Variants in THOP1 observed in about 807,000 individuals in gnomAD.
THOP1 encodes thimet oligopeptidase.
THOP1 carries 49 observed loss-of-function variants against 71.8 expected under a neutral mutation model. The observed-to-expected ratio is 0.68, with a 90% CI of 0.54 to 0.87. The LOEUF (loss-of-function observed/expected upper bound fraction) is 0.87. THOP1 is among the 40% of genes least tolerant of loss of function. The probability of loss-of-function intolerance (pLI) is 0.00; values close to 1 mark genes in which losing one functional copy is unlikely to be tolerated. For missense variants in THOP1, 843 were observed against 975.6 expected (o/e 0.86, Z 1.81); for synonymous variants, 426 against 421.5 (o/e 1.01, Z -0.13).
At chr19:2,793,169 C>CT (rs1185291434) in intron 2 of THOP1, among the ~76,000 whole-genome samples, 1 of 151,934 alleles carries the variant, frequency 6.6e-6, no homozygotes, top group Non-Finnish European at 1.5e-5. Context: ...CAGCGAAACT[C>CT]TGTCTCAAAC....
rs137971493 is a variant in THOP1, at chr19:2,812,327, C to T, written c.1908+593C>T. ...ACAGGTGGCTACCAGCTTTGAGGGCCGGCCCTGCCCTGCCTGGGTGCAACA... is the reference window on the plus strand; with the variant it reads ...ACAGGTGGCTACCAGCTTTGAGGGCTGGCCCTGCCCTGCCTGGGTGCAACA... On this transcript the variant is annotated intron_variant, in intron 12 of 12. Transcript: ENST00000307741. 787 of 1,534,740 alleles carry T rather than the reference C, an allele frequency of 5.1e-4. No homozygotes were observed. The African/African-American group carries it at 9.8e-3, about 19-fold the overall frequency.
rs1374515038 is a variant in THOP1, at chr19:2,801,968, ACCATCTCCAACACCG to A, written c.589+2186_589+2200del. Among the ~76,000 whole-genome samples the A allele has an allele frequency of 6.6e-6, 1 of 151,338 alleles. No homozygotes were observed. Among genetic ancestry groups the A allele is most frequent in the East Asian group, 1.9e-4 (1 of 5,170 alleles). On this transcript the variant is annotated intron_variant, in intron 5 of 12. Transcript: ENST00000307741. The surrounding 1 kb of genome is among the most constrained non-coding windows in gnomAD (Gnocchi z 5.1). ...CCTAATCCTGCCATCTCCCAATACC[ACCATCTCCAACACCG>A]CCATCTCCCGATACCCACATCTCCC...
intron 9 of THOP1, chr19:2,810,073 C>T (rs545046287): frequency 5.6e-5 from 32 of 572,190 alleles, no homozygotes; most frequent in South Asian, 1.8e-4. Flanking sequence ...CCTCCAGGGA[C>T]GGGGTCATGT....
At position 2,804,887 on chromosome 19, in the gene THOP1, G is replaced by A; in HGVS notation, c.590-129G>A. ...AATTGCAGCGGGTGGTGGCCAGGCT[G>A]CAGCTGCTCGCTGAGGGCCCCCTTG... On this transcript the variant is annotated intron_variant, in intron 5 of 12. Coordinates refer to ENST00000307741, the MANE Select transcript of THOP1 (RefSeq NM_003249.5). The surrounding 1 kb of genome is among the most constrained non-coding windows in gnomAD (Gnocchi z 4.7). 1 of 886,380 alleles carries A rather than the reference G, an allele frequency of 1.1e-6. No homozygotes were observed. The highest frequency in any genetic ancestry group is 1.7e-6 in the Non-Finnish European group (1 of 602,038). 54.9% of individuals were successfully genotyped at this position (886,380 alleles called of 1,614,324 possible). A position where few individuals can be genotyped will look rare whatever the true frequency, so the allele number is the denominator to read the frequency against.
rs150927880 is a variant in THOP1, at chr19:2,790,478, G to A, written c.74G>A (p.Arg25Gln). The A allele has an allele frequency of 3.5e-5, 56 of 1,604,096 alleles. No homozygotes were observed. The African/African-American group carries it at 4.4e-4, about 13-fold the overall frequency. Residue 25 changes from arginine to glutamine, a missense_variant, in exon 2 of 13, where the codon CGG becomes CAG. Coordinates refer to ENST00000307741, the MANE Select transcript of THOP1 (RefSeq NM_003249.5). Reference protein sequence around the residue: ...ASPCSVVNDLRWDLSAQQIEE... With the variant: ...ASPCSVVNDLQWDLSAQQIEE... ...CCGTGCTCTGTGGTAAACGACCTGC[G>A]GTGGGACCTGAGTGCCCAGCAGATA... is the stretch of plus-strand genomic sequence containing the variant.
chr19:2,790,484 A>C lies in THOP1; in HGVS notation c.80A>C (p.Asp27Ala), dbSNP rs1295031740. Residue 27 changes from aspartate (D) to alanine (A), a missense_variant, in exon 2 of 13, where the codon GAC becomes GCC. Coordinates refer to ENST00000307741, the MANE Select transcript of THOP1 (RefSeq NM_003249.5). Reference protein sequence around the residue: ...PCSVVNDLRWDLSAQQIEERT... With the variant: ...PCSVVNDLRWALSAQQIEERT... ...TCTGTGGTAAACGACCTGCGGTGGG[A>C]CCTGAGTGCCCAGCAGATAGAGGAG... 4.4e-6 allele frequency: 7 copies of C among 1,605,120 alleles called. No homozygotes were observed. The highest frequency in any genetic ancestry group is 6.0e-6 in the Non-Finnish European group (7 of 1,175,512).
rs1214892224 is a variant in THOP1, at chr19:2,804,331, G to A, written c.590-685G>A. ...GTGTCCTGCCAGGGGTTTTGTGGGT[G>A]GAGAAGGGACAGCAGGGCTCCAGTG... On this transcript the variant is annotated intron_variant, in intron 5 of 12. Transcript: ENST00000307741. The surrounding 1 kb of genome is among the most constrained non-coding windows in gnomAD (Gnocchi z 4.7). 6.6e-6 allele frequency among the ~76,000 whole-genome samples: 1 copy of A among 152,210 alleles called. No homozygotes were observed. Among genetic ancestry groups the A allele is most frequent in the Non-Finnish European group, 1.5e-5 (1 of 68,042 alleles).
At chr19:2,798,511 G>T (rs556247190) in intron 4 of THOP1, among the ~76,000 whole-genome samples, 4 of 152,204 alleles carry the variant, frequency 2.6e-5, no homozygotes, top group African/African-American at 9.7e-5. Context: ...GTTCCAGCGC[G>T]TCCCCGCGGC....
intron 4 of THOP1, 100 bp from the exon 5 acceptor site, chr19:2,799,589 A>C: frequency 1.1e-6 from 1 of 936,522 alleles, no homozygotes; most frequent in South Asian, 1.5e-5. Context: ...GTTCTTGGGG[A>C]AATCCCTCAG....
chr19:2,788,418 G>A (rs554735135), intron 1 of THOP1, among the ~76,000 whole-genome samples: 4 of 152,270 alleles, frequency 2.6e-5, no homozygotes, highest in East Asian at 1.9e-4. Context: ...GCTCCACCTT[G>A]CACTCAGGAT....
intron 1 of THOP1, among the ~76,000 whole-genome samples, chr19:2,789,152 G>A (rs1262194034): frequency 1.3e-5 from 2 of 152,214 alleles, no homozygotes; most frequent in African/African-American, 4.8e-5. Flanking sequence ...AAAATCCTTG[G>A]CCCTTTGCAG....
intron 5 of THOP1, among the ~76,000 whole-genome samples, chr19:2,802,646 A>G (rs1217229363): frequency 6.6e-6 from 1 of 152,018 alleles, no homozygotes; most frequent in Non-Finnish European, 1.5e-5. Context: ...TTCCTGGTGC[A>G]TTTTGGAGGG....
rs115716440 is a variant in THOP1, at chr19:2,801,158, C to A, written c.589+1367C>A. Reference sequence around the variant, plus strand: ...GAGGTCTGGAAGGTCCTTGGGCACGCACAGTTATCTGTCCGTGCCAGCTCG... The same window carrying A: ...GAGGTCTGGAAGGTCCTTGGGCACGAACAGTTATCTGTCCGTGCCAGCTCG... On this transcript the variant is annotated intron_variant, in intron 5 of 12. Coordinates refer to ENST00000307741, the MANE Select transcript of THOP1 (RefSeq NM_003249.5). The surrounding 1 kb of genome is among the most constrained non-coding windows in gnomAD (Gnocchi z 5.1). Among the ~76,000 whole-genome samples the A allele has an allele frequency of 1.4e-3, 206 of 152,208 alleles. 1 individual carries two copies. The highest frequency in any genetic ancestry group is 4.8e-3 in the African/African-American group (201 of 41,530).
Position 2,799,701 on chromosome 19 carries a change from A to T in THOP1, c.499A>T (p.Ile167Phe), listed in dbSNP as rs764604899. 29 of 1,612,998 alleles carry T rather than the reference A, an allele frequency of 1.8e-5. No individual in the cohort carries two copies. Among genetic ancestry groups the T allele is most frequent in the Non-Finnish European group, 2.5e-5 (29 of 1,179,612 alleles). The change falls in exon 5 of 13, where the codon ATC becomes TTC. Residue 167 changes from isoleucine (I) to phenylalanine (F), a missense_variant. Coordinates refer to ENST00000307741, the MANE Select transcript of THOP1 (RefSeq NM_003249.5). Reference protein sequence around the residue: ...PRETQENIKRIKKKLSLLCID... With the variant: ...PRETQENIKRFKKKLSLLCID... ...CCTTTCTCTCCAGAACATCAAACGC[A>T]TCAAGAAGAAGCTGAGCCTTCTGTG... is the stretch of plus-strand genomic sequence containing the variant.
intron 8 of THOP1, 58 bp from the exon 9 acceptor site, chr19:2,808,185 C>T: frequency 6.6e-7 from 1 of 1,520,822 alleles, no homozygotes; most frequent in South Asian, 1.2e-5. Flanking sequence ...GATGCGGAGT[C>T]AGGGACTCTT....
At position 2,810,713 on chromosome 19, in the gene THOP1, C is replaced by T. The variant is rs769691831; in HGVS notation, c.1716C>T (p.Pro572=). 88 of 1,589,378 alleles carry T rather than the reference C, an allele frequency of 5.5e-5. No homozygotes were observed. The highest frequency in any genetic ancestry group is 1.7e-4 in the Middle Eastern group (1 of 6,016). ...TGCACACGCAGACGGACGCAGACCC[C>T]GCCGAGGAGTATGCGCGGCTCTGCC... ...QALHTQTDAD[P]AEEYARLCQE... Residue 572 remains proline, a synonymous_variant, in exon 11 of 13, where the codon CCC becomes CCT. Coordinates refer to ENST00000307741, the MANE Select transcript of THOP1 (RefSeq NM_003249.5).
At position 2,811,646 on chromosome 19, in the gene THOP1, C is replaced by T. The variant is rs541243719; in HGVS notation, c.1820C>T (p.Ala607Val). The change falls in exon 12 of 13, where the codon GCC becomes GTC. Residue 607 changes from alanine to valine, a missense_variant. Physicochemically the swap from Ala to Val is moderately conservative, Grantham distance 64 (BLOSUM62 0). Coordinates refer to ENST00000307741, the MANE Select transcript of THOP1 (RefSeq NM_003249.5). ...TFGHLAGGYD[A>V]QYYGYLWSEV... Reference sequence around the variant, plus strand: ...GGCCATCTGGCAGGTGGCTACGACGCCCAGTACTACGGGTACCTGTGGAGC... The same window carrying T: ...GGCCATCTGGCAGGTGGCTACGACGTCCAGTACTACGGGTACCTGTGGAGC... The T allele has an allele frequency of 1.9e-6, 3 of 1,613,420 alleles. No homozygotes were observed. Among genetic ancestry groups the T allele is most frequent in the Non-Finnish European group, 2.5e-6 (3 of 1,179,950 alleles).
chr19:2,785,684 G>A lies in THOP1; in HGVS notation c.16+6G>A, dbSNP rs764331401. ...CGCCATGAAGCCCCCCGCAGGTACC[G>A]ACTACCCCGCTCGCCGGACCCGGGC... On this transcript the variant is annotated splice_donor_region_variant and intron_variant, in intron 1 of 12. Coordinates refer to ENST00000307741, the MANE Select transcript of THOP1 (RefSeq NM_003249.5). The A allele has an allele frequency of 4.1e-6, 6 of 1,467,134 alleles. No individual in the cohort carries two copies. The highest frequency in any genetic ancestry group is 5.4e-6 in the Non-Finnish European group (6 of 1,105,366). The allele number at this position is 1,467,134 out of a possible 1,614,324, so 90.9% of individuals were successfully genotyped here.
At chr19:2,796,265 GTC>G in intron 4 of THOP1, 77 bp downstream of exon 4, 1 of 1,193,870 alleles carries the variant, frequency 8.4e-7, no homozygotes, top group Non-Finnish European at 1.2e-6. Context: ...GGAGTGCTCA[GTC>G]CCAGGGAGTG....
Sources: gnomAD v4.1 joint callset for allele counts (sites outside exome capture counted in the v4.1 genomes callset) on GRCh38, gnomAD v4.1.1 for gene constraint, Gnocchi (gnomAD v3.1) non-coding constraint, MANE v1.5 for transcripts, NCBI Gene and HGNC (gene_info 2026-07-23, HGNC 2026-07-21) for gene names.